Variants in AP4B1 observed in about 807,000 individuals in gnomAD.
The protein encoded by AP4B1 is adaptor related protein complex 4 subunit beta 1.
Under a neutral mutation model 76.5 loss-of-function variants are expected in AP4B1, and 49 were observed. The ratio of observed to expected loss-of-function variants is 0.64; its 90% CI spans 0.51 to 0.81. The LOEUF is 0.81. AP4B1 is among the 40% of genes least tolerant of loss of function. The pLI is 0.00. For synonymous variants in AP4B1, 330 were observed against 333.3 expected (o/e 0.99, Z 0.11); for missense variants, 911 against 904.9 (o/e 1.01, Z -0.09).
Position 113,900,620 on chromosome 1 carries a change from A to G in AP4B1, c.618-220T>C. ...TGTTAATACAAATGCACACTCCTCT[A>G]AGACCAAAGACATGATCAGCATACA... On this transcript the variant is annotated intron_variant, in intron 4 of 9. Transcript: ENST00000369569. 5.0e-6 allele frequency: 3 copies of G among 594,458 alleles called. No homozygotes were observed. The South Asian group carries it at 6.1e-5, about 12-fold the overall frequency. 36.8% of individuals were successfully genotyped at this position (594,458 alleles called of 1,614,324 possible).
intron 7 of AP4B1, chr1:113,896,702 T>A: frequency 3.5e-6 from 2 of 578,892 alleles, no homozygotes. Flanking sequence ...GATTAAGCAA[T>A]AAATAAGGTT....
At position 113,898,765 on chromosome 1, in the gene AP4B1, T is replaced by G; in HGVS notation, c.1151A>C (p.Gln384Pro). Residue 384 changes from glutamine to proline, a missense_variant, in exon 6 of 10, where the codon CAG becomes CCG. Physicochemically the swap from Gln to Pro is moderately conservative, Grantham distance 76. Transcript: ENST00000369569. ...AAGACCCAGCAACTCTGTTAAAATC[T>G]GAACACATTGATCTGTGTAAGTCCT... ...IARTYTDQCV[Q>P]ILTELLGLRQ... 6.2e-7 allele frequency: 1 copy of G among 1,609,974 alleles called. No individual in the cohort carries two copies. Among genetic ancestry groups the G allele is most frequent in the Non-Finnish European group, 8.5e-7 (1 of 1,179,994 alleles).
intron 5 of AP4B1, among the ~76,000 whole-genome samples, chr1:113,899,627 T>C (rs1667952035): frequency 6.6e-6 from 1 of 152,216 alleles, no homozygotes; most frequent in Non-Finnish European, 1.5e-5. Context: ...GGAAAGCATT[T>C]TGGATAGAAG....
chr1:113,894,882 T>C lies in AP4B1; in HGVS notation c.*183A>G, dbSNP rs1667283110. Reference sequence around the variant, plus strand: ...CATCATCACTGAAAAATGGGGTCAATTGCCAATAGGAATGAAAGGAATGAA... The same window carrying C: ...CATCATCACTGAAAAATGGGGTCAACTGCCAATAGGAATGAAAGGAATGAA... On this transcript the variant is annotated 3_prime_UTR_variant, in exon 10 of 10. Transcript: ENST00000369569. 1.5e-6 allele frequency: 1 copy of C among 646,908 alleles called. No homozygotes were observed. The highest frequency in any genetic ancestry group is 2.6e-6 in the Non-Finnish European group (1 of 385,130). 40.1% of individuals were successfully genotyped at this position (646,908 alleles called of 1,614,324 possible). A position where few individuals can be genotyped will look rare whatever the true frequency, so the allele number is the denominator to read the frequency against.
In AP4B1 at chr1:113,899,664, T is replaced by C. The variant is rs1441700938; in HGVS notation, c.1114+240A>G. On this transcript the variant is annotated intron_variant, in intron 5 of 9. Coordinates refer to ENST00000369569, the MANE Select transcript of AP4B1 (RefSeq NM_001253852.3). The stretch of plus-strand genomic sequence containing the variant: ...CAACAACAATTTTAAGTATTGTAGT[T>C]TGTGTTACCTGTATTCTCCATCCTG... Among the ~76,000 whole-genome samples the C allele has an allele frequency of 2.0e-5, 3 of 152,182 alleles. No individual in the cohort carries two copies. The East Asian group carries it at 5.8e-4, about 29-fold the overall frequency.
At chr1:113,902,046 T>C (rs1668338253) in intron 2 of AP4B1, 161 bp from the exon 3 acceptor site, 2 of 933,676 alleles carry the variant, frequency 2.1e-6, no homozygotes, top group Non-Finnish European at 3.3e-6. Flanking sequence ...AATTTGACTT[T>C]TCTGTTTTTT....
In AP4B1 at chr1:113,902,648, A is replaced by C. The variant is rs150762437; in HGVS notation, c.328T>G (p.Cys110Gly). 3 of 1,613,020 alleles carry C rather than the reference A, an allele frequency of 1.9e-6. No individual in the cohort carries two copies. The highest frequency in any genetic ancestry group is 1.1e-5 in the South Asian group (1 of 91,022). ...MVRGLALRSM[C>G]SLRMPGVQEY... ...GAAGAGGGTACTCACCTGAGGCTACACATGCTCCGTAACGCCAGCCCTCGC... is the reference window on the plus strand; with the variant it reads ...GAAGAGGGTACTCACCTGAGGCTACCCATGCTCCGTAACGCCAGCCCTCGC... The change falls in exon 2 of 10, where the codon TGT (cysteine) becomes GGT (glycine). Residue 110 changes from cysteine to glycine, a missense_variant. Physicochemically the swap from Cys to Gly is radical, Grantham distance 159 (BLOSUM62 -3). Coordinates refer to ENST00000369569, the MANE Select transcript of AP4B1 (RefSeq NM_001253852.3).
chr1:113,896,336 T>C lies in AP4B1; in HGVS notation c.1432A>G (p.Thr478Ala), dbSNP rs764646631. 6 of 1,614,104 alleles carry C rather than the reference T, an allele frequency of 3.7e-6. No individual in the cohort carries two copies. In the African/African-American group the frequency reaches 5.3e-5, roughly 14 times the overall value. ...TFPAVKMELL[T>A]ALLRLFLSRP... ...GAGAGGAAAAGGCGCAGCAAAGCAG[T>C]GAGCAGCTCCATCTTAACAGCTGGA... The change falls in exon 8 of 10, where the codon ACT (threonine) becomes GCT (alanine). Residue 478 changes from threonine to alanine, a missense_variant. Coordinates refer to ENST00000369569, the MANE Select transcript of AP4B1 (RefSeq NM_001253852.3).
intron 5 of AP4B1, 190 bp downstream of exon 5, chr1:113,899,714 A>G: frequency 1.2e-6 from 1 of 850,420 alleles, no homozygotes; most frequent in Non-Finnish European, 1.8e-6. Flanking sequence ...ACCAATCTTG[A>G]CCAAAAAAAA....
At chr1:113,899,408 C>A in intron 5 of AP4B1, 1 of 949,126 alleles carries the variant, frequency 1.1e-6, no homozygotes, top group South Asian at 3.5e-5. Context: ...ATACATAGCC[C>A]ATAGCAGAAG....
In AP4B1 at chr1:113,897,848, C is replaced by T. The variant is rs1667689616; in HGVS notation, c.1294G>A (p.Asp432Asn). Residue 432 changes from aspartate to asparagine, a missense_variant, in exon 7 of 10, where the codon GAT (aspartate) becomes AAT (asparagine). Asp to Asn is a conservative substitution (Grantham distance 23). Transcript: ENST00000369569. ...ALPGCEENIQDSEGKQALIWL... is the reference protein window; with the variant it reads ...ALPGCEENIQNSEGKQALIWL... ...GGAGAATTACAGTCTACCTCACTAT[C>T]TTGAATGTTCTCTTCACAGCCGGGC... The T allele has an allele frequency of 6.2e-7, 1 of 1,614,118 alleles. No homozygotes were observed. The highest frequency in any genetic ancestry group is 8.5e-7 in the Non-Finnish European group (1 of 1,180,002).
intron 6 of AP4B1, 125 bp downstream of exon 6, chr1:113,898,593 G>T: frequency 1.2e-6 from 1 of 804,068 alleles, no homozygotes; most frequent in Non-Finnish European, 2.2e-6. Context: ...AACAGCAACA[G>T]ATGATGATGC....
chr1:113,904,639 G>A lies in AP4B1; in HGVS notation c.79C>T (p.Leu27=), dbSNP rs759453032. ...LCNPHIQADR[L]RYRNVIQRVI... is the part of the protein sequence containing the mutation. The stretch of plus-strand genomic sequence containing the variant: ...CGCTGGATGACATTCCGGTAGCGCA[G>A]CCTATCAGCTTGAATGTGAGGATTG... The change falls in exon 1 of 10, where the codon CTG becomes TTG. Residue 27 remains leucine, a synonymous_variant. Transcript: ENST00000369569. 2 of 1,613,676 alleles carry A rather than the reference G, an allele frequency of 1.2e-6. No homozygotes were observed. The highest frequency in any genetic ancestry group is 1.7e-6 in the Non-Finnish European group (2 of 1,180,000).
rs775095423 is a variant in AP4B1, at chr1:113,900,059, CA to C, written c.958del (p.Cys320AlafsTer21). The C allele has an allele frequency of 1.2e-6, 2 of 1,614,080 alleles. No homozygotes were observed. The highest frequency in any genetic ancestry group is 2.2e-5 in the East Asian group (1 of 44,894). ...GATGTAGTGGGGCTCCGAGTAGGAG[CA>C]AAAAAACTTTTTGTAGTGGCTGCTA... ...HFSSHYKKFF[C>X]SYSEPHYIKL... On this transcript the variant is annotated frameshift_variant, in exon 5 of 10. Transcript: ENST00000369569. LOFTEE classifies it high-confidence loss of function.
chr1:113,900,185 T>C lies in AP4B1; in HGVS notation c.833A>G (p.Lys278Arg), dbSNP rs543518152. ...HVQTDVLVRV[K>R]GPLLAACSSE... ...AGAACAGGCAGCTAGCAAAGGTCCCTTGACCCGCACAAGGACATCAGTTTG... is the reference window on the plus strand; with the variant it reads ...AGAACAGGCAGCTAGCAAAGGTCCCCTGACCCGCACAAGGACATCAGTTTG... The change falls in exon 5 of 10, where the codon AAG becomes AGG. Residue 278 changes from lysine to arginine, a missense_variant. Transcript: ENST00000369569. 18 of 1,614,196 alleles carry C rather than the reference T, an allele frequency of 1.1e-5. No individual in the cohort carries two copies. In the East Asian group the frequency reaches 3.8e-4, roughly 34 times the overall value.
chr1:113,901,111 T>C, intron 4 of AP4B1, 125 bp downstream of exon 4: 1 of 1,047,504 alleles, frequency 9.5e-7, no homozygotes, highest in East Asian at 3.0e-5. Context: ...CCGTCTCAAA[T>C]AATAATAATA....
intron 8 of AP4B1, 22 bp downstream of exon 8, chr1:113,896,236 T>A: frequency 6.2e-7 from 1 of 1,613,446 alleles, no homozygotes; most frequent in Non-Finnish European, 8.5e-7. Flanking sequence ...TGGCAAATAC[T>A]ATTTCCTTCT....
In AP4B1 at chr1:113,897,905, G is replaced by A. The variant is rs748694320; in HGVS notation, c.1237C>T (p.Pro413Ser). 1 of 1,614,068 alleles carries A rather than the reference G, an allele frequency of 6.2e-7. No individual in the cohort carries two copies. The highest frequency in any genetic ancestry group is 8.5e-7 in the Non-Finnish European group (1 of 1,180,016). The change falls in exon 7 of 10, where the codon CCT becomes TCT. Residue 413 changes from proline (P) to serine (S), a missense_variant. Transcript: ENST00000369569. ...TGACATACAGCTTCAGTACACTGAG[G>A]ACACAACCAAACCAGGTCTCGGAAA... ...QTFRDLVWLCPQCTEAVCQAL... is the reference protein window; with the variant it reads ...QTFRDLVWLCSQCTEAVCQAL...
At chr1:113,899,737 A>T in intron 5 of AP4B1, 167 bp downstream of exon 5, 1 of 1,167,180 alleles carries the variant, frequency 8.6e-7, no homozygotes, top group Non-Finnish European at 1.2e-6. Context: ...AAAAAACAAA[A>T]AAAAACTCTC....
Sources: allele counts gnomAD v4.1 joint callset (sites outside exome capture counted in the v4.1 genomes callset), GRCh38; gene constraint gnomAD v4.1.1; transcripts MANE v1.5; gene names NCBI Gene and HGNC (gene_info 2026-07-23, HGNC 2026-07-21).